The following RFWD3 variants were observed in gnomAD, a reference collection of about 807,000 sequenced individuals.
RFWD3 encodes the protein ring finger and WD repeat domain 3.
RFWD3 carries 65 observed loss-of-function variants against 87.7 expected under a neutral mutation model. That is an observed-to-expected ratio of 0.74 (90% confidence interval 0.61 to 0.91). The LOEUF is 0.91. RFWD3 is among the 40% of genes least tolerant of loss of function. The probability of loss-of-function intolerance (pLI) is 0.00; values close to 1 mark genes in which losing one functional copy is unlikely to be tolerated. For synonymous variants in RFWD3, 433 were observed against 352.8 expected, an observed-to-expected ratio of 1.23 and a Z score of -2.55; for missense variants, 1,078 against 938.5, an observed-to-expected ratio of 1.15 and a Z score of -1.94.
At chr16:74,647,376 C>T (rs1801554982) in intron 4 of RFWD3, among the ~76,000 whole-genome samples, 1 of 152,080 alleles carries the variant, frequency 6.6e-6, no homozygotes, top group Admixed American at 6.5e-5. Flanking sequence ...CAACCTCCGC[C>T]TCTCAGATTC....
rs764046041 is a variant in RFWD3 at position 74,651,996 on chromosome 16, A to T, written c.645T>A (p.Asp215Glu). ...SEELQVSSSS[D>E]SDSDSSAEYG... Reference sequence around the variant, plus strand: ...ACTCTGCAGAGCTGTCACTGTCAGAATCAGAACTACTAGACACCTGCAACT... The same window carrying T: ...ACTCTGCAGAGCTGTCACTGTCAGATTCAGAACTACTAGACACCTGCAACT... Residue 215 changes from aspartate to glutamate, a missense_variant, in exon 3 of 13, where the codon GAT becomes GAA. By Grantham distance (45) the Asp-to-Glu change is conservative. Coordinates refer to ENST00000361070, the MANE Select transcript of RFWD3 (RefSeq NM_018124.4). 3 of 1,614,108 alleles carry T rather than the reference A, an allele frequency of 1.9e-6. No homozygotes were observed. The highest frequency in any genetic ancestry group is 2.5e-6 in the Non-Finnish European group (3 of 1,180,002).
In RFWD3 at chr16:74,626,372, T is replaced by C. The variant is rs760505640; in HGVS notation, c.2152A>G (p.Thr718Ala). ...GCAGAATTTGCTGCTTCATCCCCAGTACACACCAGGATGTTGCCATCATTC... is the reference window on the plus strand; with the variant it reads ...GCAGAATTTGCTGCTTCATCCCCAGCACACACCAGGATGTTGCCATCATTC... ...PENDGNILVC[T>A]GDEAANSALL... is the part of the protein sequence containing the mutation. The change falls in exon 12 of 13, where the codon ACT (threonine) becomes GCT (alanine). Residue 718 changes from threonine to alanine, a missense_variant. Coordinates refer to ENST00000361070, the MANE Select transcript of RFWD3 (RefSeq NM_018124.4). 14 of 1,614,104 alleles carry C rather than the reference T, an allele frequency of 8.7e-6. No homozygotes were observed. Among genetic ancestry groups the C allele is most frequent in the Non-Finnish European group, 1.2e-5 (14 of 1,180,030 alleles).
chr16:74,666,238 G>A (rs148162382), intron 1 of RFWD3: 13 of 151,796 alleles, frequency 8.6e-5, no homozygotes, highest in Admixed American at 6.6e-4. Context: ...TAGATACATA[G>A]ATATTAAATC....
intron 4 of RFWD3, 69 bp downstream of exon 4, chr16:74,649,063 G>T: frequency 1.9e-6 from 2 of 1,028,038 alleles, no homozygotes; most frequent in Non-Finnish European, 2.8e-6. Context: ...GCCTGGGTGA[G>T]AGTGAGACCT....
At chr16:74,631,874 C>A (rs1279431448) in intron 9 of RFWD3, among the ~76,000 whole-genome samples, 2 of 152,126 alleles carry the variant, frequency 1.3e-5, no homozygotes, top group Non-Finnish European at 2.9e-5. Flanking sequence ...CCTGCCTCGG[C>A]CTCACAAAGC....
intron 4 of RFWD3, among the ~76,000 whole-genome samples, chr16:74,646,049 G>C (rs1175970368): frequency 3.9e-5 from 6 of 152,028 alleles, no homozygotes; most frequent in Non-Finnish European, 8.8e-5. Flanking sequence ...TGCCCAGCCA[G>C]TCACAAATAT....
Position 74,661,336 on chromosome 16 carries a change from A to G in RFWD3, c.114T>C (p.Pro38=). The G allele has an allele frequency of 6.2e-7, 1 of 1,614,062 alleles. No homozygotes were observed. The highest frequency in any genetic ancestry group is 1.1e-5 in the South Asian group (1 of 91,076). The change falls in exon 2 of 13, where the codon CCT becomes CCC. Residue 38 remains proline (P), a synonymous_variant. Coordinates refer to ENST00000361070, the MANE Select transcript of RFWD3 (RefSeq NM_018124.4). ...GGCTGCTGACCACATCAGCAGGAACAGGCTGGAGGAGGGCTGGTCCCCCTT... is the reference window on the plus strand; with the variant it reads ...GGCTGCTGACCACATCAGCAGGAACGGGCTGGAGGAGGGCTGGTCCCCCTT... ...SSQGGPALLQ[P]VPADVVSSQG...
intron 7 of RFWD3, 126 bp downstream of exon 7, chr16:74,637,730 T>C (rs991217246): frequency 9.4e-6 from 6 of 640,152 alleles, no homozygotes; most frequent in South Asian, 5.5e-5. Context: ...AAATAAGGAG[T>C]TGGTCATGTT....
chr16:74,626,629 C>G, intron 11 of RFWD3, 75 bp from the exon 12 acceptor site: 2 of 1,137,066 alleles, frequency 1.8e-6, no homozygotes, highest in South Asian at 1.3e-5. Context: ...AAACCTCACA[C>G]GCTTACAACC....
At chr16:74,643,499 T>G (rs2144186109) in intron 6 of RFWD3, among the ~76,000 whole-genome samples, 1 of 152,256 alleles carries the variant, frequency 6.6e-6, no homozygotes, top group East Asian at 1.9e-4. Flanking sequence ...CCTGAACAAT[T>G]ACTAGATCAA....
intron 2 of RFWD3, among the ~76,000 whole-genome samples, chr16:74,656,115 A>C (rs948112606): frequency 3.3e-5 from 5 of 152,000 alleles, no homozygotes; most frequent in Admixed American, 3.3e-4. Flanking sequence ...TCAGTACTTT[A>C]ATGAAATAAC....
At chr16:74,631,414 A>C (rs965422720) in intron 9 of RFWD3, among the ~76,000 whole-genome samples, 1 of 152,008 alleles carries the variant, frequency 6.6e-6, no homozygotes, top group Non-Finnish European at 1.5e-5. Context: ...CGGAAGTTGC[A>C]GTGAGCTAAG....
At position 74,622,766 on chromosome 16, in the gene RFWD3, G is replaced by A; in HGVS notation, c.*1162C>T. The A allele has an allele frequency of 6.6e-6, 1 of 152,166 alleles. No homozygotes were observed. The highest frequency in any genetic ancestry group is 1.9e-4 in the East Asian group (1 of 5,188). 9.4% of individuals were successfully genotyped at this position (152,166 alleles called of 1,614,324 possible). A position where few individuals can be genotyped will look rare whatever the true frequency, so the allele number is the denominator to read the frequency against. The stretch of plus-strand genomic sequence containing the variant: ...AAGTGGGTTGGCAAAGTAGTCTGAG[G>A]CAAGGCAAAGAAATACAAACTGAGC... On this transcript the variant is annotated 3_prime_UTR_variant, in exon 13 of 13. Transcript: ENST00000361070.
At chr16:74,658,252 A>G (rs1333130718) in intron 2 of RFWD3, among the ~76,000 whole-genome samples, 1 of 152,220 alleles carries the variant, frequency 6.6e-6, no homozygotes, top group Non-Finnish European at 1.5e-5. Context: ...TATCTAGGGC[A>G]AAGTTTAGTC....
At position 74,661,131 on chromosome 16, in the gene RFWD3, C is replaced by G. The variant is rs781495740; in HGVS notation, c.319G>C (p.Asp107His). The G allele has an allele frequency of 6.2e-7, 1 of 1,614,198 alleles. No individual in the cohort carries two copies. Among genetic ancestry groups the G allele is most frequent in the Non-Finnish European group, 8.5e-7 (1 of 1,180,042 alleles). The change falls in exon 2 of 13, where the codon GAT becomes CAT. Residue 107 changes from aspartate (D) to histidine (H), a missense_variant. Physicochemically the swap from Asp to His is moderately conservative, Grantham distance 81. Coordinates refer to ENST00000361070, the MANE Select transcript of RFWD3 (RefSeq NM_018124.4). ...RTSEQHRQGS[D>H]GNHTIPASSL... ...GATGCTGGGATGGTGTGATTACCAT[C>G]AGATCCCTGCCTATGTTGTTCTGAA...
At position 74,623,902 on chromosome 16, in the gene RFWD3, A is replaced by G. The variant is rs779515611; in HGVS notation, c.*26T>C. The G allele has an allele frequency of 3.3e-5, 53 of 1,612,878 alleles. No homozygotes were observed. In the South Asian group the frequency reaches 5.7e-4, roughly 17 times the overall value. The stretch of plus-strand genomic sequence containing the variant: ...TAGCAAACAACATCTAACCAGCAGC[A>G]TGCCTTCAAGGTTTCGAGACCACAG... On this transcript the variant is annotated 3_prime_UTR_variant, in exon 13 of 13. Coordinates refer to ENST00000361070, the MANE Select transcript of RFWD3 (RefSeq NM_018124.4).
At chr16:74,656,979 T>C (rs1961033630) in intron 2 of RFWD3, among the ~76,000 whole-genome samples, 1 of 152,222 alleles carries the variant, frequency 6.6e-6, no homozygotes, top group African/African-American at 2.4e-5. Context: ...TAGATTTTCC[T>C]TTCCTTCTTA....
At chr16:74,632,161 C>T (rs568699213) in intron 9 of RFWD3, among the ~76,000 whole-genome samples, 3 of 151,846 alleles carry the variant, frequency 2.0e-5, no homozygotes, top group Admixed American at 1.3e-4. Context: ...GAGGCCGAGG[C>T]GGGCGGATCA....
rs1195587029 is a variant in RFWD3 at position 74,666,220 on chromosome 16, A to AGATAGATTGATT, written c.-3+565_-3+566insAATCAATCTATC. The AGATAGATTGATT allele has an allele frequency of 4.2e-3, 594 of 143,042 alleles. 4 individuals are homozygous for AGATAGATTGATT. Among genetic ancestry groups the AGATAGATTGATT allele is most frequent in the African/African-American group, 0.014 (542 of 38,354 alleles). The allele number at this position is 143,042 out of a possible 1,614,324, so 8.9% of individuals were successfully genotyped here. On this transcript the variant is annotated intron_variant, in intron 1 of 12. Coordinates refer to ENST00000361070, the MANE Select transcript of RFWD3 (RefSeq NM_018124.4). ...TAGATAGATAGATAGATAGATAGAT[A>AGATAGATTGATT]GATTGATTAGATACATAGATATTAA...
Sources: gnomAD v4.1 joint callset for allele counts (sites outside exome capture counted in the v4.1 genomes callset) on GRCh38, gnomAD v4.1.1 for gene constraint, MANE v1.5 for transcripts, NCBI Gene and HGNC (gene_info 2026-07-23, HGNC 2026-07-21) for gene names.